EYS: variants seen among roughly 807,000 people sequenced by gnomAD.
EYS encodes the protein protein eyes shut homolog.
A neutral mutation model predicts 282.1 loss-of-function variants in EYS; 250 were observed. The ratio of observed to expected loss-of-function variants is 0.89; its 90% CI spans 0.80 to 0.98. EYS has a LOEUF of 0.98. Among genes scored for constraint, EYS ranks in the 50% least tolerant of loss-of-function variants. The probability of loss-of-function intolerance (pLI) is 0.00; values close to 1 mark genes in which losing one functional copy is unlikely to be tolerated. For missense variants in EYS, 4,016 were observed against 3,709.0 expected, an observed-to-expected ratio of 1.08 and a Z score of -2.15; for synonymous variants, 1,355 against 1,282.9, an observed-to-expected ratio of 1.06 and a Z score of -1.20.
At chr6:63,899,307 T>C (rs999750272) in intron 35 of EYS, among the ~76,000 whole-genome samples, 1 of 152,066 alleles carries the variant, frequency 6.6e-6, no homozygotes, top group African/African-American at 2.4e-5. Flanking sequence ...CTTCACAACA[T>C]GTTGAATTAA....
intron 26 of EYS, among the ~76,000 whole-genome samples, chr6:64,517,765 C>T (rs1777607633): frequency 6.6e-6 from 1 of 151,888 alleles, no homozygotes; most frequent in South Asian, 2.1e-4. Context: ...TATACTCTAG[C>T]ACACATGTTC....
At chr6:64,978,334 T>C (rs1770539192) in intron 14 of EYS, among the ~76,000 whole-genome samples, 1 of 151,934 alleles carries the variant, frequency 6.6e-6, no homozygotes, top group Non-Finnish European at 1.5e-5. Context: ...AAAGCCTGGA[T>C]AACAGCACAT....
intron 1 of EYS, among the ~76,000 whole-genome samples, chr6:65,654,267 T>C: frequency 6.6e-6 from 1 of 151,848 alleles, no homozygotes; most frequent in East Asian, 1.9e-4. Flanking sequence ...TATGTGTCAC[T>C]TTCCTTTGCC....
intron 26 of EYS, among the ~76,000 whole-genome samples, chr6:64,519,292 G>A (rs562222407): frequency 6.6e-6 from 1 of 151,844 alleles, no homozygotes; most frequent in East Asian, 1.9e-4. Context: ...GCTTTGACAT[G>A]AGTGGTGCTG....
chr6:64,505,744 A>G (rs1188131856), intron 26 of EYS, among the ~76,000 whole-genome samples: 2 of 152,240 alleles, frequency 1.3e-5, no homozygotes, highest in Non-Finnish European at 2.9e-5. Context: ...CCCAACTTTA[A>G]GAATCTAAAT....
intron 9 of EYS, among the ~76,000 whole-genome samples, chr6:65,344,540 G>A (rs1770324382): frequency 6.6e-6 from 1 of 151,538 alleles, no homozygotes; most frequent in South Asian, 2.1e-4. Flanking sequence ...TTGCAAAAGA[G>A]CAGAAGAAAG....
intron 19 of EYS, among the ~76,000 whole-genome samples, chr6:64,867,087 T>A (rs1766445968): frequency 6.6e-6 from 1 of 151,854 alleles, no homozygotes; most frequent in African/African-American, 2.4e-5. Flanking sequence ...AGAACATAGC[T>A]ATCATTCAAT....
At chr6:63,734,737 G>T (rs1028518599) in intron 41 of EYS, among the ~76,000 whole-genome samples, 14 of 152,068 alleles carry the variant, frequency 9.2e-5, no homozygotes, top group African/African-American at 3.1e-4. Flanking sequence ...GGAGAAGCAG[G>T]TATTTTGGAG....
intron 29 of EYS, among the ~76,000 whole-genome samples, chr6:64,328,732 G>A (rs561304944): frequency 7.9e-5 from 12 of 152,308 alleles, no homozygotes; most frequent in African/African-American, 2.9e-4. Context: ...GCCAGACACA[G>A]AGCTAAGGAA....
chr6:64,457,927 TTTTG>T (rs1179681014), intron 26 of EYS, among the ~76,000 whole-genome samples: 1 of 151,968 alleles, frequency 6.6e-6, no homozygotes, highest in Admixed American at 6.6e-5. Flanking sequence ...TTGCTTTTTA[TTTTG>T]TTTGTGTGTG....
chr6:65,205,870 TCTGTGATATAGCAAAAG>T (rs1397089906), intron 12 of EYS, among the ~76,000 whole-genome samples: 2 of 151,832 alleles, frequency 1.3e-5, no homozygotes, highest in African/African-American at 4.8e-5. Context: ...TACCAAAACC[TCTGTGATATAGCAAAAG>T]CTGTGATAAC....
intron 12 of EYS, among the ~76,000 whole-genome samples, chr6:65,144,876 T>C (rs1764438715): frequency 6.6e-6 from 1 of 151,930 alleles, no homozygotes; most frequent in South Asian, 2.1e-4. Flanking sequence ...GCGATTCTCC[T>C]GCCTCAGCCT....
intron 19 of EYS, among the ~76,000 whole-genome samples, chr6:64,841,089 A>G (rs886704008): frequency 1.3e-5 from 2 of 152,100 alleles, no homozygotes; most frequent in African/African-American, 4.8e-5. Context: ...TTTACAGCCA[A>G]AGATACATGT....
chr6:63,873,750 G>C (rs1034347313), intron 35 of EYS, among the ~76,000 whole-genome samples: 2 of 152,118 alleles, frequency 1.3e-5, no homozygotes, highest in Admixed American at 1.3e-4. Flanking sequence ...TTCTCTGATG[G>C]CCAGTGATGA....
intron 1 of EYS, among the ~76,000 whole-genome samples, chr6:65,644,980 T>A (rs536619386): frequency 3.9e-5 from 6 of 152,066 alleles, no homozygotes; most frequent in Admixed American, 3.9e-4. Context: ...AGGACTTATA[T>A]AACAATAACA....
At chr6:63,803,670 CT>C (rs1449375926) in intron 37 of EYS, among the ~76,000 whole-genome samples, 1 of 152,168 alleles carries the variant, frequency 6.6e-6, no homozygotes, top group Non-Finnish European at 1.5e-5. Flanking sequence ...GGACTTATAT[CT>C]CATGCAATTA....
chr6:65,210,021 T>G (rs1411507007), intron 12 of EYS, among the ~76,000 whole-genome samples: 1 of 151,982 alleles, frequency 6.6e-6, no homozygotes, highest in Non-Finnish European at 1.5e-5. Flanking sequence ...GCATTTTAAC[T>G]TTGTACAGAG....
At chr6:65,607,762 T>C (rs59259574) in intron 2 of EYS, among the ~76,000 whole-genome samples, 7,873 of 151,880 alleles carry the variant, frequency 0.052, 618 homozygotes, top group African/African-American at 0.17. Context: ...ACACATACAT[T>C]ATGCAGAATT....
intron 26 of EYS, among the ~76,000 whole-genome samples, chr6:64,512,384 A>G (rs776728332): frequency 7.2e-5 from 11 of 152,026 alleles, no homozygotes; most frequent in Non-Finnish European, 1.3e-4. Context: ...TAGGCAATAA[A>G]TACTGCAGTA....
Sources: allele counts gnomAD v4.1 joint callset (sites outside exome capture counted in the v4.1 genomes callset), GRCh38; gene constraint gnomAD v4.1.1; transcripts MANE v1.5; gene names NCBI Gene and HGNC (gene_info 2026-07-23, HGNC 2026-07-21).